IGFL2: variants seen among roughly 807,000 people sequenced by gnomAD.
IGFL2 encodes IGF like family member 2.
In IGFL2, 7 loss-of-function variants were observed where a neutral mutation model predicts 13.9. The observed-to-expected ratio is 0.51, with a 90% CI of 0.29 to 0.95. The LOEUF (loss-of-function observed/expected upper bound fraction) is 0.95. IGFL2 is among the 40% of genes least tolerant of loss of function. IGFL2 has a pLI of 0.08. For synonymous variants in IGFL2, 55 were observed against 55.8 expected (o/e 0.99, Z 0.07); for missense variants, 138 against 147.8 (o/e 0.93, Z 0.34).
chr19:46,147,518 T>C (rs559644965), upstream of IGFL2, among the ~76,000 whole-genome samples: 127 of 152,308 alleles, frequency 8.3e-4, 2 homozygotes, highest in Middle Eastern at 0.017. Flanking sequence ...GATTGCAATG[T>C]ATTATAGGCT....
At chr19:46,139,056 G>A (rs544108479), upstream of IGFL2, among the ~76,000 whole-genome samples, 12 of 152,190 alleles carry the variant, frequency 7.9e-5, no homozygotes, top group Admixed American at 5.9e-4. Flanking sequence ...TAGGATTCTG[G>A]AGGTCTCTGG....
chr19:46,110,957 T>A, the IGFL2 span: 52 of 152,346 alleles, frequency 3.4e-4, no homozygotes, highest in Admixed American at 9.1e-4. Flanking sequence ...GTTATTTTTT[T>A]AAAATATGGT....
the IGFL2 span, among the ~76,000 whole-genome samples, chr19:46,108,261 A>G: frequency 6.6e-6 from 1 of 152,130 alleles, no homozygotes; most frequent in Non-Finnish European, 1.5e-5. Context: ...GATGGGTCGC[A>G]TTGTGAGCAG....
chr19:46,120,054 T>C, the IGFL2 span: 2 of 481,490 alleles, frequency 4.2e-6, no homozygotes, highest in Non-Finnish European at 7.4e-6. Flanking sequence ...AAGAATCAGG[T>C]TGCATGAACG....
the IGFL2 span, among the ~76,000 whole-genome samples, chr19:46,168,899 A>AGTGTGTGTGTGTGTGTATGTGTGTGT: frequency 7.1e-6 from 1 of 140,692 alleles, no homozygotes; most frequent in African/African-American, 2.6e-5. Flanking sequence ...CAGTAGATTG[A>AGTGTGTGTGTGTGTGTATGTGTGTGT]GTGTGTGTGT....
At chr19:46,079,189 G>A in the IGFL2 span, among the ~76,000 whole-genome samples, 1 of 152,278 alleles carries the variant, frequency 6.6e-6, no homozygotes, top group African/African-American at 2.4e-5. Context: ...TTTCGTCGCA[G>A]TAACTGCCTT....
At chr19:46,170,565 G>A in the IGFL2 span, among the ~76,000 whole-genome samples, 1 of 152,192 alleles carries the variant, frequency 6.6e-6, no homozygotes, top group African/African-American at 2.4e-5. Flanking sequence ...CTGCCTGTGG[G>A]CTGGGCAGGA....
the IGFL2 span, among the ~76,000 whole-genome samples, chr19:46,132,418 T>A: frequency 1.3e-5 from 2 of 152,188 alleles, no homozygotes; most frequent in Non-Finnish European, 2.9e-5. Context: ...CATTGGGACA[T>A]AAGTGACACA....
upstream of IGFL2, among the ~76,000 whole-genome samples, chr19:46,140,966 G>T (rs531598785): frequency 1.3e-4 from 20 of 152,288 alleles, no homozygotes; most frequent in Admixed American, 1.0e-3. Context: ...AGTAACCGCT[G>T]TGAAACACAC....
the IGFL2 span, among the ~76,000 whole-genome samples, chr19:46,089,925 T>C: frequency 1.3e-5 from 2 of 152,154 alleles, no homozygotes; most frequent in Non-Finnish European, 2.9e-5. Flanking sequence ...TCTGCTATTA[T>C]TTGTTTAAAT....
the IGFL2 span, chr19:46,202,622 A>G: frequency 3.3e-5 from 5 of 152,324 alleles, 1 homozygote; most frequent in South Asian, 1.0e-3. Flanking sequence ...ATGTGGGTGA[A>G]TAATCAGACA....
chr19:46,091,249 T>C, the IGFL2 span, among the ~76,000 whole-genome samples: 2 of 152,200 alleles, frequency 1.3e-5, no homozygotes, highest in Admixed American at 6.5e-5. Context: ...TTGTAAGAAG[T>C]AGATATCTAG....
the IGFL2 span, among the ~76,000 whole-genome samples, chr19:46,082,153 C>G: frequency 6.6e-6 from 1 of 152,180 alleles, no homozygotes; most frequent in Non-Finnish European, 1.5e-5. Flanking sequence ...TTTCAGGAGT[C>G]TAGTTTTCAC....
the IGFL2 span, among the ~76,000 whole-genome samples, chr19:46,196,413 C>T: frequency 1.4e-3 from 210 of 152,244 alleles, no homozygotes; most frequent in Admixed American, 3.1e-3. Context: ...TCCCCATCCA[C>T]AGCCCCTGGG....
chr19:46,200,509 C>CTTTTCTCTTT, the IGFL2 span, among the ~76,000 whole-genome samples: 4 of 37,182 alleles, frequency 1.1e-4, no homozygotes, highest in Non-Finnish European at 2.2e-4. Context: ...CTTTTCTTTT[C>CTTTTCTCTTT]TCTTTTCTTT....
chr19:46,108,011 G>A, the IGFL2 span, among the ~76,000 whole-genome samples: 8 of 152,338 alleles, frequency 5.3e-5, no homozygotes, highest in East Asian at 1.9e-4. Context: ...GGCAGGTGGC[G>A]GAGGGCTAGT....
chr19:46,124,460 G>A, the IGFL2 span: 36 of 1,151,800 alleles, frequency 3.1e-5, no homozygotes, highest in African/African-American at 6.2e-5. Context: ...ATGGGATCCC[G>A]TTCAGGCAGG....
chr19:46,186,050 T>C, the IGFL2 span, among the ~76,000 whole-genome samples: 1 of 152,126 alleles, frequency 6.6e-6, no homozygotes, highest in Non-Finnish European at 1.5e-5. Flanking sequence ...GTTCTCCAGG[T>C]CTCGGGAACC....
chr19:46,187,357 T>G, the IGFL2 span, among the ~76,000 whole-genome samples: 1 of 150,490 alleles, frequency 6.6e-6, no homozygotes. Context: ...TTAACCCGTT[T>G]AAACCTGAGG....
Sources: allele counts gnomAD v4.1 joint callset (sites outside exome capture counted in the v4.1 genomes callset), GRCh38; gene constraint gnomAD v4.1.1; transcripts MANE v1.5; gene names NCBI Gene and HGNC (gene_info 2026-07-23, HGNC 2026-07-21).